The following WWOX variants were observed in gnomAD, a reference collection of about 807,000 sequenced individuals.
WWOX encodes WW domain-containing oxidoreductase.
A neutral mutation model predicts 46.2 loss-of-function variants in WWOX; 69 were observed. That is an observed-to-expected ratio of 1.49 (90% CI 1.23 to 1.82). WWOX has a LOEUF of 1.82. Ranked by LOEUF, WWOX falls within the 40% of genes most tolerant of loss-of-function variation. WWOX has a pLI of 0.00. For missense variants in WWOX, 919 were observed against 542.6 expected, an observed-to-expected ratio of 1.69 and a Z score of -6.89; for synonymous variants, 359 against 202.6, an observed-to-expected ratio of 1.77 and a Z score of -6.56.
At chr16:78,190,140 A>G (rs748966126) in intron 5 of WWOX, among the ~76,000 whole-genome samples, 9 of 152,178 alleles carry the variant, frequency 5.9e-5, no homozygotes, top group Non-Finnish European at 1.0e-4. Flanking sequence ...GGTCTGTTAC[A>G]TCCTTGCTGA....
intron 8 of WWOX, among the ~76,000 whole-genome samples, chr16:78,618,918 G>C (rs2046098343): frequency 6.6e-6 from 1 of 150,906 alleles, no homozygotes; most frequent in African/African-American, 2.4e-5. Context: ...CTTGGAGTCA[G>C]AGAAAGGTGC....
At chr16:78,815,909 T>C (rs1472120285) in intron 8 of WWOX, among the ~76,000 whole-genome samples, 1 of 152,114 alleles carries the variant, frequency 6.6e-6, no homozygotes, top group African/African-American at 2.4e-5. Context: ...GCTCAGAGGT[T>C]CTCTCCCCAA....
intron 8 of WWOX, among the ~76,000 whole-genome samples, chr16:78,670,804 A>T (rs1023917539): frequency 6.6e-6 from 1 of 152,030 alleles, no homozygotes; most frequent in Non-Finnish European, 1.5e-5. Context: ...GAGCCACTCC[A>T]CCTACCCAGA....
chr16:78,777,915 C>T (rs553294052), intron 8 of WWOX, among the ~76,000 whole-genome samples: 2 of 151,902 alleles, frequency 1.3e-5, no homozygotes, highest in Non-Finnish European at 2.9e-5. Flanking sequence ...TGTGGTGGCA[C>T]ATACCTGTAG....
chr16:78,425,783 C>A (rs1463107716), intron 7 of WWOX, among the ~76,000 whole-genome samples: 2 of 152,110 alleles, frequency 1.3e-5, no homozygotes, highest in African/African-American at 4.8e-5. Context: ...ATTTCTCTTT[C>A]ACGTTTGCTT....
At chr16:78,691,478 G>C (rs1160362210) in intron 8 of WWOX, among the ~76,000 whole-genome samples, 6 of 152,076 alleles carry the variant, frequency 3.9e-5, no homozygotes, top group Non-Finnish European at 8.8e-5. Flanking sequence ...AGGCTGAAGT[G>C]GGAGGATGGT....
chr16:78,791,996 C>G (rs548607057), intron 8 of WWOX, among the ~76,000 whole-genome samples: 4 of 152,218 alleles, frequency 2.6e-5, no homozygotes, highest in Admixed American at 6.5e-5. Flanking sequence ...AAATTTCTTT[C>G]AGAAGTCAGT....
At chr16:78,949,741 CACA>C (rs1288543252) in intron 8 of WWOX, among the ~76,000 whole-genome samples, 1 of 152,186 alleles carries the variant, frequency 6.6e-6, no homozygotes, top group East Asian at 1.9e-4. Flanking sequence ...GCGGGGCAAA[CACA>C]ACAAGTAAAA....
chr16:78,503,761 TG>T (rs892848249), intron 8 of WWOX: 11 of 152,204 alleles, frequency 7.2e-5, no homozygotes, highest in African/African-American at 2.7e-4. Flanking sequence ...CTAGAAGGCC[TG>T]CGAGTATTTC....
chr16:78,768,721 T>A (rs2049988338), intron 8 of WWOX, among the ~76,000 whole-genome samples: 1 of 152,310 alleles, frequency 6.6e-6, no homozygotes, highest in Admixed American at 6.5e-5. Flanking sequence ...CCCAGCGTTT[T>A]AATTATCGGC....
chr16:78,924,690 G>A (rs577030363), intron 8 of WWOX, among the ~76,000 whole-genome samples: 1 of 152,300 alleles, frequency 6.6e-6, no homozygotes, highest in South Asian at 2.1e-4. Context: ...TTCTGTGTGG[G>A]AGAGTAACCA....
chr16:78,614,350 T>C (rs2045970897), intron 8 of WWOX, among the ~76,000 whole-genome samples: 1 of 152,262 alleles, frequency 6.6e-6, no homozygotes, highest in African/African-American at 2.4e-5. Context: ...TGTTCTGTTT[T>C]TGGTAAAATC....
At chr16:78,850,931 G>T (rs2052427453) in intron 8 of WWOX, among the ~76,000 whole-genome samples, 1 of 152,204 alleles carries the variant, frequency 6.6e-6, no homozygotes, top group Admixed American at 6.5e-5. Flanking sequence ...TAAGGAATCG[G>T]GATGGCAGTC....
chr16:78,785,093 T>G (rs2050422386), intron 8 of WWOX, among the ~76,000 whole-genome samples: 1 of 152,134 alleles, frequency 6.6e-6, no homozygotes, highest in African/African-American at 2.4e-5. Flanking sequence ...ATATACTAAC[T>G]GAGAAATAAC....
chr16:78,282,848 A>G (rs1167263785), intron 5 of WWOX, among the ~76,000 whole-genome samples: 1 of 140,324 alleles, frequency 7.1e-6, no homozygotes, highest in Non-Finnish European at 1.5e-5. Flanking sequence ...GTTGCACTCC[A>G]GCCTGAGTGA....
At chr16:78,715,776 C>A (rs373444035) in intron 8 of WWOX, among the ~76,000 whole-genome samples, 3 of 152,288 alleles carry the variant, frequency 2.0e-5, no homozygotes, top group Admixed American at 6.5e-5. Context: ...CGTGCCCAGC[C>A]GTGTCTGACC....
intron 8 of WWOX, among the ~76,000 whole-genome samples, chr16:78,713,707 C>G (rs1000476925): frequency 1.3e-5 from 2 of 152,266 alleles, no homozygotes; most frequent in African/African-American, 4.8e-5. Flanking sequence ...TCCGGAGAAG[C>G]CAAACCTGCT....
At chr16:78,531,127 T>C (rs1359949919) in intron 8 of WWOX, among the ~76,000 whole-genome samples, 1 of 152,184 alleles carries the variant, frequency 6.6e-6, no homozygotes, top group African/African-American at 2.4e-5. Context: ...TGGCATCTTT[T>C]TGGTAGAGAA....
chr16:78,773,713 A>T (rs571426768), intron 8 of WWOX, among the ~76,000 whole-genome samples: 1 of 152,242 alleles, frequency 6.6e-6, no homozygotes, highest in Non-Finnish European at 1.5e-5. Flanking sequence ...GTCTGAACAA[A>T]TAACCCAAAA....
Sources: allele counts gnomAD v4.1 joint callset (sites outside exome capture counted in the v4.1 genomes callset), GRCh38; gene constraint gnomAD v4.1.1; transcripts MANE v1.5; gene names NCBI Gene and HGNC (gene_info 2026-07-23, HGNC 2026-07-21).